SNAP25: variants seen among roughly 807,000 people sequenced by gnomAD.
The protein encoded by SNAP25 is synaptosomal-associated protein 25.
SNAP25 carries 3 observed loss-of-function variants against 28.7 expected under a neutral mutation model. The ratio of observed to expected loss-of-function variants is 0.10; its 90% confidence interval spans 0.05 to 0.27. The LOEUF (loss-of-function observed/expected upper bound fraction) is 0.27, where lower values mean the gene tolerates loss of function less well. Among genes scored for constraint, SNAP25 ranks in the 10% least tolerant of loss-of-function variants. The pLI is 1.00. For synonymous variants in SNAP25, 61 were observed against 88.1 expected (o/e 0.69, Z 1.72); for missense variants, 117 against 278.7 (o/e 0.42, Z 4.13).
intron 1 of SNAP25, among the ~76,000 whole-genome samples, chr20:10,227,761 A>G (rs551174579): frequency 6.6e-6 from 1 of 152,310 alleles, no homozygotes; most frequent in African/African-American, 2.4e-5. Flanking sequence ...TTTAGCATAT[A>G]TGAATTATAA....
chr20:10,299,999 T>A (rs547610392), intron 7 of SNAP25, among the ~76,000 whole-genome samples: 1 of 152,340 alleles, frequency 6.6e-6, no homozygotes, highest in East Asian at 1.9e-4. Context: ...CTTTTATAAA[T>A]GCCAAAGCTT....
Position 10,248,706 on chromosome 20 carries a change from G to A in SNAP25, c.-63-26723G>A, listed in dbSNP as rs138770173. On this transcript the variant is annotated intron_variant, in intron 1 of 7. Coordinates refer to ENST00000254976, the MANE Select transcript of SNAP25 (RefSeq NM_130811.4). ...TAGAGCCAGCATTCAAAGTAGTGCA[G>A]CCCCACTCCTCAGAGCATTTTTGAC... Among the ~76,000 whole-genome samples, 21 of 152,284 alleles carry A rather than the reference G, an allele frequency of 1.4e-4. No homozygotes were observed. The East Asian group carries it at 3.9e-3, about 28-fold the overall frequency.
chr20:10,257,070 C>T (rs1205899910), intron 1 of SNAP25, among the ~76,000 whole-genome samples: 1 of 152,094 alleles, frequency 6.6e-6, no homozygotes, highest in East Asian at 1.9e-4. Context: ...TTTAAATATA[C>T]TGCATCCTGG....
At chr20:10,271,362 C>T (rs1292864204) in intron 1 of SNAP25, among the ~76,000 whole-genome samples, 4 of 152,222 alleles carry the variant, frequency 2.6e-5, no homozygotes, top group African/African-American at 4.8e-5. Context: ...GAGGTACGCT[C>T]AGCGCCCACT....
At chr20:10,251,978 C>T (rs543685051) in intron 1 of SNAP25, among the ~76,000 whole-genome samples, 1 of 152,288 alleles carries the variant, frequency 6.6e-6, no homozygotes, top group African/African-American at 2.4e-5. Context: ...ACATGCCAAA[C>T]CAGGATGAGC....
At chr20:10,263,219 C>T (rs865940527) in intron 1 of SNAP25, among the ~76,000 whole-genome samples, 1 of 151,804 alleles carries the variant, frequency 6.6e-6, no homozygotes, top group Admixed American at 6.6e-5. Context: ...CGGGGTTTCA[C>T]TGGCTTAGCC....
intron 1 of SNAP25, among the ~76,000 whole-genome samples, chr20:10,225,620 G>A (rs2062722346): frequency 6.6e-6 from 1 of 152,114 alleles, no homozygotes; most frequent in Admixed American, 6.5e-5. Flanking sequence ...ACTCAAAGAT[G>A]TCTAATTCTC....
Position 10,275,421 on chromosome 20 carries a change from C to T in SNAP25, c.-63-8C>T. 13 of 1,381,504 alleles carry T rather than the reference C, an allele frequency of 9.4e-6. No individual in the cohort carries two copies. The highest frequency in any genetic ancestry group is 1.3e-5 in the Non-Finnish European group (13 of 1,006,396). The allele number at this position is 1,381,504 out of a possible 1,614,324, so 85.6% of individuals were successfully genotyped here. A position where few individuals can be genotyped will look rare whatever the true frequency, so the allele number is the denominator to read the frequency against. On this transcript the variant is annotated splice_region_variant and splice_polypyrimidine_tract_variant and intron_variant, in intron 1 of 7. Coordinates refer to ENST00000254976, the MANE Select transcript of SNAP25 (RefSeq NM_130811.4). ...AGCTCTCATATTTTCATATCTACTT[C>T]TTCCCAGGTCCAGAGCCAAACCCGT... is the stretch of plus-strand genomic sequence containing the variant.
chr20:10,247,317 G>A (rs1310640529), intron 1 of SNAP25, among the ~76,000 whole-genome samples: 2 of 152,180 alleles, frequency 1.3e-5, no homozygotes, highest in African/African-American at 2.4e-5. Context: ...ATTTAGGGCC[G>A]GCCCTGTAGC....
At chr20:10,271,476 C>T (rs771189530) in intron 1 of SNAP25, among the ~76,000 whole-genome samples, 9 of 152,296 alleles carry the variant, frequency 5.9e-5, no homozygotes, top group South Asian at 4.1e-4. Flanking sequence ...AAATCACAGA[C>T]GTATCTCCAT....
chr20:10,288,697 A>G (rs2063932982), intron 4 of SNAP25, among the ~76,000 whole-genome samples: 1 of 152,190 alleles, frequency 6.6e-6, no homozygotes, highest in Non-Finnish European at 1.5e-5. Context: ...GGGTTTTACC[A>G]GATGTGTGGT....
chr20:10,297,375 T>C (rs2064136574), intron 6 of SNAP25, among the ~76,000 whole-genome samples: 1 of 152,200 alleles, frequency 6.6e-6, no homozygotes, highest in African/African-American at 2.4e-5. Context: ...TACCAAACCT[T>C]TGCTTGCTTA....
intron 1 of SNAP25, among the ~76,000 whole-genome samples, chr20:10,258,449 G>A (rs910701964): frequency 3.3e-5 from 5 of 152,162 alleles, no homozygotes; most frequent in Non-Finnish European, 7.4e-5. Context: ...AGTGACAGAA[G>A]TGAACCTAGA....
chr20:10,298,657 A>C (rs557863867), intron 6 of SNAP25, among the ~76,000 whole-genome samples: 1 of 152,312 alleles, frequency 6.6e-6, no homozygotes, highest in East Asian at 1.9e-4. Flanking sequence ...ACATATGAGT[A>C]AATAAAAATC....
intron 1 of SNAP25, among the ~76,000 whole-genome samples, chr20:10,250,719 C>A (rs893959303): frequency 1.3e-5 from 2 of 152,136 alleles, no homozygotes; most frequent in African/African-American, 4.8e-5. Flanking sequence ...AATTAAAAAA[C>A]ACACACAGTC....
intron 3 of SNAP25, among the ~76,000 whole-genome samples, chr20:10,278,420 A>G (rs2063726636): frequency 6.6e-6 from 1 of 152,154 alleles, no homozygotes; most frequent in African/African-American, 2.4e-5. Flanking sequence ...CATAAACCTC[A>G]CTCATTCCAA....
chr20:10,263,770 C>G (rs1033409563), intron 1 of SNAP25, among the ~76,000 whole-genome samples: 9 of 152,166 alleles, frequency 5.9e-5, no homozygotes, highest in Non-Finnish European at 5.9e-5. Context: ...CTCCTAAAAC[C>G]ATCCCTAAGG....
chr20:10,269,197 G>A (rs569304525), intron 1 of SNAP25, among the ~76,000 whole-genome samples: 7 of 152,250 alleles, frequency 4.6e-5, no homozygotes, highest in Non-Finnish European at 7.4e-5. Flanking sequence ...ATCACTTGAG[G>A]TCAGGGGTTC....
intron 1 of SNAP25, among the ~76,000 whole-genome samples, chr20:10,269,856 C>T (rs901598008): frequency 2.6e-5 from 4 of 152,226 alleles, no homozygotes; most frequent in African/African-American, 4.8e-5. Context: ...AAACCATCCT[C>T]AGCTCAAGGC....
Sources: allele counts gnomAD v4.1 joint callset (sites outside exome capture counted in the v4.1 genomes callset), GRCh38; gene constraint gnomAD v4.1.1; transcripts MANE v1.5; gene names NCBI Gene and HGNC (gene_info 2026-07-23, HGNC 2026-07-21).